Variants in ASXL1 observed in about 807,000 individuals in gnomAD.
The protein encoded by ASXL1 is polycomb group protein ASXL1.
In ASXL1, 65 loss-of-function variants were observed where a neutral mutation model predicts 89.1. The ratio of observed to expected loss-of-function variants is 0.73; its 90% confidence interval spans 0.60 to 0.90. ASXL1 has a LOEUF of 0.90. Ranked by LOEUF, ASXL1 falls within the 40% of genes least tolerant of loss-of-function variation. The pLI, the probability that ASXL1 is intolerant of heterozygous loss-of-function variation, is 0.00. For missense variants in ASXL1, 1,786 were observed against 1,942.9 expected (o/e 0.92, Z 1.52); for synonymous variants, 739 against 746.9 (o/e 0.99, Z 0.17).
intron 4 of ASXL1, among the ~76,000 whole-genome samples, chr20:32,390,016 A>T (rs1470742937): frequency 6.6e-6 from 1 of 152,226 alleles, no homozygotes; most frequent in Non-Finnish European, 1.5e-5. Flanking sequence ...CCTAGTACAG[A>T]TGGTCCTTGA....
Position 32,435,112 on chromosome 20 carries a change from T to G in ASXL1, c.2400T>G (p.Asp800Glu), listed in dbSNP as rs1178321509. 7 of 1,613,972 alleles carry G rather than the reference T, an allele frequency of 4.3e-6. No individual in the cohort carries two copies. Among genetic ancestry groups the G allele is most frequent in the African/African-American group, 1.3e-5 (1 of 75,040 alleles). Reference protein sequence around the residue: ...ESGTTSWESDDEEQGPTVPAD... With the variant: ...ESGTTSWESDEEEQGPTVPAD... ...GCACCACTTCCTGGGAAAGTGATGA[T>G]GAGGAGCAAGGACCCACCGTTCCTG... The change falls in exon 13 of 13, where the codon GAT becomes GAG. Residue 800 changes from aspartate to glutamate, a missense_variant. Around this residue, in one of 3 missense-constraint regions of ASXL1, gnomAD observed 1,418 missense variants for 1,427.8 expected, o/e 0.99. Coordinates refer to ENST00000375687, the MANE Select transcript of ASXL1 (RefSeq NM_015338.6).
intron 4 of ASXL1, among the ~76,000 whole-genome samples, chr20:32,392,006 G>T (rs2048680810): frequency 6.6e-6 from 1 of 151,378 alleles, no homozygotes; most frequent in Non-Finnish European, 1.5e-5. Flanking sequence ...GGGATGCTTG[G>T]ACCTAATGTG....
Position 32,435,140 on chromosome 20 carries a change from G to T in ASXL1, c.2428G>T (p.Asp810Tyr), listed in dbSNP as rs2011739597. The change falls in exon 13 of 13, where the codon GAC (aspartate) becomes TAC (tyrosine). Residue 810 changes from aspartate (D) to tyrosine (Y), a missense_variant. This residue lies in a region of ASXL1 where 1,418 missense variants were observed against 1,427.8 expected (regional missense o/e 0.99). Coordinates refer to ENST00000375687, the MANE Select transcript of ASXL1 (RefSeq NM_015338.6). The stretch of plus-strand genomic sequence containing the variant: ...GGAGCAAGGACCCACCGTTCCTGCA[G>T]ACAATGGTCCCATTCCGTCTCTAGT... ...DEEQGPTVPA[D>Y]NGPIPSLVGD... 6.2e-7 allele frequency: 1 copy of T among 1,613,844 alleles called. No individual in the cohort carries two copies. The highest frequency in any genetic ancestry group is 1.7e-5 in the Admixed American group (1 of 60,012).
intron 4 of ASXL1, among the ~76,000 whole-genome samples, chr20:32,381,273 C>A (rs955303294): frequency 2.0e-5 from 3 of 152,126 alleles, no homozygotes; most frequent in Non-Finnish European, 4.4e-5. Flanking sequence ...GGTGCCATCA[C>A]GGCTCACTGC....
intron 1 of ASXL1, 200 bp downstream of exon 1, chr20:32,359,032 C>G (rs2048062572): frequency 3.2e-6 from 2 of 625,712 alleles, no homozygotes; most frequent in South Asian, 4.0e-5. Context: ...CCTTTTTCCG[C>G]TCGCCCTCGC....
At chr20:32,428,472 A>G (rs746715641) in intron 6 of ASXL1, 50 bp downstream of exon 6, 39 of 1,503,134 alleles carry the variant, frequency 2.6e-5, no homozygotes, top group Non-Finnish European at 3.5e-5. Flanking sequence ...TGACAGGTAT[A>G]AGGCAAGATC....
At chr20:32,374,347 G>A (rs985205282) in intron 4 of ASXL1, among the ~76,000 whole-genome samples, 4 of 152,052 alleles carry the variant, frequency 2.6e-5, no homozygotes, top group African/African-American at 4.8e-5. Flanking sequence ...GCTAGATGGT[G>A]CAGTGGCACC....
intron 2 of ASXL1, among the ~76,000 whole-genome samples, chr20:32,367,127 C>T (rs1243125076): frequency 1.3e-5 from 2 of 150,832 alleles, no homozygotes; most frequent in Non-Finnish European, 1.5e-5. Flanking sequence ...CCTGTAATCC[C>T]AGCACTTTGG....
intron 4 of ASXL1, among the ~76,000 whole-genome samples, chr20:32,403,384 G>T (rs2048907075): frequency 6.6e-6 from 1 of 151,848 alleles, no homozygotes; most frequent in South Asian, 2.1e-4. Flanking sequence ...CAGCTATTCT[G>T]GTTTCTTTGT....
At chr20:32,371,778 A>G in intron 4 of ASXL1, 1 of 449,724 alleles carries the variant, frequency 2.2e-6, no homozygotes, top group Non-Finnish European at 4.5e-6. Context: ...TTTTTCCTAG[A>G]GATGAAGTCT....
At chr20:32,423,401 T>TTGTGTG (rs57819684) in intron 4 of ASXL1, among the ~76,000 whole-genome samples, 2 of 150,982 alleles carry the variant, frequency 1.3e-5, no homozygotes, top group East Asian at 3.9e-4. Flanking sequence ...AGCTAATTTT[T>TTGTGTG]TGTGTGTGTG....
chr20:32,429,834 G>A lies in ASXL1; in HGVS notation c.566-67G>A. The A allele has an allele frequency of 6.3e-7, 1 of 1,576,900 alleles. No individual in the cohort carries two copies. Among genetic ancestry groups the A allele is most frequent in the Non-Finnish European group, 8.6e-7 (1 of 1,162,910 alleles). ...CATCTCAGGGAGAGCTGGGAGAAAT[G>A]AGCTTGTCTGAGAGCCATGGGCGCG... On this transcript the variant is annotated intron_variant, in intron 7 of 12. Coordinates refer to ENST00000375687, the MANE Select transcript of ASXL1 (RefSeq NM_015338.6). This position sits in a 1 kb window ranked among gnomAD's most constrained non-coding sequence, Gnocchi z 4.9.
intron 4 of ASXL1, among the ~76,000 whole-genome samples, chr20:32,383,539 C>T (rs954117247): frequency 1.9e-4 from 29 of 152,156 alleles, no homozygotes; most frequent in Middle Eastern, 3.4e-3. Flanking sequence ...CATCTCCTGA[C>T]CTTGTGATCC....
At chr20:32,418,230 G>A (rs1273040360) in intron 4 of ASXL1, among the ~76,000 whole-genome samples, 1 of 151,842 alleles carries the variant, frequency 6.6e-6, no homozygotes, top group Non-Finnish European at 1.5e-5. Flanking sequence ...AAATTAGCCT[G>A]GAGTGGTGGT....
At position 32,429,926 on chromosome 20, in the gene ASXL1, C is replaced by T. The variant is rs775822169; in HGVS notation, c.591C>T (p.Gly197=). The T allele has an allele frequency of 3.7e-6, 6 of 1,608,044 alleles. No individual in the cohort carries two copies. Among genetic ancestry groups the T allele is most frequent in the African/African-American group, 1.3e-5 (1 of 74,968 alleles). ...ASGFSGCHAD[G]ESGSPSSSSS... ...GGTTCTCGGGCTGCCACGCCGATGG[C>T]GAGAGCGGCAGCCCGTCCAGCAGCA... The change falls in exon 8 of 13, where the codon GGC becomes GGT. Residue 197 remains glycine (G), a synonymous_variant. Transcript: ENST00000375687. This position sits in a 1 kb window ranked among gnomAD's most constrained non-coding sequence, Gnocchi z 4.9.
chr20:32,409,654 G>T (rs945896095), intron 4 of ASXL1, among the ~76,000 whole-genome samples: 1 of 152,018 alleles, frequency 6.6e-6, no homozygotes, highest in Admixed American at 6.6e-5. Flanking sequence ...TGGGAGGATC[G>T]CTTGAGCCTA....
intron 4 of ASXL1, among the ~76,000 whole-genome samples, chr20:32,403,328 G>A (rs2048906187): frequency 6.6e-6 from 1 of 152,142 alleles, no homozygotes; most frequent in East Asian, 1.9e-4. Flanking sequence ...CCTAAAATCA[G>A]GTAGTGTTAT....
At chr20:32,403,626 G>C (rs1389112708) in intron 4 of ASXL1, among the ~76,000 whole-genome samples, 1 of 152,054 alleles carries the variant, frequency 6.6e-6, no homozygotes, top group African/African-American at 2.4e-5. Flanking sequence ...TGTTGCCCAT[G>C]TTGGTCTCAA....
chr20:32,395,110 C>T (rs1053057212), intron 4 of ASXL1, among the ~76,000 whole-genome samples: 10 of 152,232 alleles, frequency 6.6e-5, no homozygotes, highest in African/African-American at 2.4e-4. Flanking sequence ...AGATTCTCAT[C>T]TGCCAGATTT....
Sources: allele counts gnomAD v4.1 joint callset (sites outside exome capture counted in the v4.1 genomes callset), GRCh38; gene constraint gnomAD v4.1.1; regional missense constraint gnomAD v4.1.1; non-coding constraint Gnocchi (gnomAD v3.1); transcripts MANE v1.5; gene names NCBI Gene and HGNC (gene_info 2026-07-23, HGNC 2026-07-21).